The following CHRM3 variants were observed in gnomAD, a reference collection of about 807,000 sequenced individuals.
CHRM3 encodes the protein cholinergic receptor muscarinic 3.
CHRM3 carries 11 observed loss-of-function variants against 41.8 expected under a neutral mutation model. The observed-to-expected ratio is 0.26, with a 90% CI of 0.17 to 0.44. The LOEUF (loss-of-function observed/expected upper bound fraction) is 0.44, where lower values mean the gene tolerates loss of function less well. CHRM3 is among the 20% of genes least tolerant of loss of function. CHRM3 has a pLI of 1.00. For synonymous variants in CHRM3, 297 were observed against 301.4 expected (o/e 0.99, Z 0.15); for missense variants, 571 against 745.4 (o/e 0.77, Z 2.72).
At chr1:239,860,949 C>T (rs1675586423) in intron 6 of CHRM3, among the ~76,000 whole-genome samples, 2 of 152,208 alleles carry the variant, frequency 1.3e-5, no homozygotes, top group South Asian at 4.1e-4. Context: ...ACTTTGAGGA[C>T]TATTCTTATT....
At chr1:239,740,135 C>G (rs1448911430) in intron 5 of CHRM3, among the ~76,000 whole-genome samples, 1 of 152,010 alleles carries the variant, frequency 6.6e-6, no homozygotes, top group Non-Finnish European at 1.5e-5. Flanking sequence ...CACTTCCTGT[C>G]ATACAACCTT....
At chr1:239,661,583 C>T (rs1221973562) in intron 4 of CHRM3, among the ~76,000 whole-genome samples, 1 of 152,124 alleles carries the variant, frequency 6.6e-6, no homozygotes, top group Non-Finnish European at 1.5e-5. Flanking sequence ...CTGGACAATT[C>T]TGACAATATG....
At chr1:239,702,238 A>G (rs971195793) in intron 5 of CHRM3, among the ~76,000 whole-genome samples, 6 of 152,150 alleles carry the variant, frequency 3.9e-5, no homozygotes, top group African/African-American at 1.2e-4. Context: ...GTTGAGGATA[A>G]CATTTTGGGG....
At chr1:239,658,181 AC>A (rs766851723) in intron 4 of CHRM3, among the ~76,000 whole-genome samples, 44 of 152,096 alleles carry the variant, frequency 2.9e-4, no homozygotes, top group Non-Finnish European at 5.9e-4. Flanking sequence ...TGACTGATTG[AC>A]TCTTTGGGCT....
intron 3 of CHRM3, among the ~76,000 whole-genome samples, chr1:239,584,836 T>C (rs962466842): frequency 6.6e-6 from 1 of 152,146 alleles, no homozygotes; most frequent in African/African-American, 2.4e-5. Flanking sequence ...GTTGGTTATA[T>C]GGACATTGTG....
chr1:239,531,959 T>A (rs116006025), intron 2 of CHRM3, among the ~76,000 whole-genome samples: 6,396 of 146,138 alleles, frequency 0.044, 156 homozygotes, highest in Middle Eastern at 0.064. Flanking sequence ...GTGCCTGGCC[T>A]AGAATGGATA....
intron 4 of CHRM3, among the ~76,000 whole-genome samples, chr1:239,632,995 C>G (rs180788069): frequency 6.6e-6 from 1 of 152,186 alleles, no homozygotes; most frequent in African/African-American, 2.4e-5. Flanking sequence ...GTTTTTGAGA[C>G]GGAGTCTCGC....
At chr1:239,900,482 T>TC (rs1558223873) in intron 6 of CHRM3, among the ~76,000 whole-genome samples, 2 of 151,480 alleles carry the variant, frequency 1.3e-5, no homozygotes, top group African/African-American at 4.9e-5. Flanking sequence ...CAGAGAACAG[T>TC]CCTTTTAATG....
chr1:239,599,712 A>G (rs1196013566), intron 3 of CHRM3, among the ~76,000 whole-genome samples: 2 of 152,154 alleles, frequency 1.3e-5, no homozygotes, highest in African/African-American at 2.4e-5. Flanking sequence ...CCTACCTTAA[A>G]CACGCCCAGA....
Position 239,908,409 on chromosome 1 carries a change from T to G in CHRM3, c.958T>G (p.Trp320Gly). The G allele has an allele frequency of 6.2e-7, 1 of 1,614,022 alleles. No homozygotes were observed. The highest frequency in any genetic ancestry group is 8.5e-7 in the Non-Finnish European group (1 of 1,180,030). Residue 320 changes from tryptophan to glycine, a missense_variant, in exon 7 of 7, where the codon TGG becomes GGG. By Grantham distance (184) the Trp-to-Gly change is radical. Transcript: ENST00000676153. This position sits in a 1 kb window ranked among gnomAD's most constrained non-coding sequence, Gnocchi z 7.2. Reference sequence around the variant, plus strand: ...CCACTTCTGGTTCACAACCAAGAGCTGGAAACCCAGCTCCGAGCAGATGGA... The same window carrying G: ...CCACTTCTGGTTCACAACCAAGAGCGGGAAACCCAGCTCCGAGCAGATGGA... ...RCHFWFTTKSWKPSSEQMDQD... is the reference protein window; with the variant it reads ...RCHFWFTTKSGKPSSEQMDQD...
intron 1 of CHRM3, among the ~76,000 whole-genome samples, chr1:239,464,344 T>C (rs1024727999): frequency 6.7e-5 from 10 of 148,520 alleles, no homozygotes; most frequent in African/African-American, 2.2e-4. Flanking sequence ...TCTAAGAACA[T>C]ATGTATATCT....
intron 5 of CHRM3, among the ~76,000 whole-genome samples, chr1:239,722,260 T>C (rs1663043034): frequency 6.6e-6 from 1 of 151,876 alleles, no homozygotes; most frequent in Non-Finnish European, 1.5e-5. Flanking sequence ...TGCATCTTTG[T>C]TTCAGTCAGG....
chr1:239,843,738 G>C (rs574038947), intron 6 of CHRM3, among the ~76,000 whole-genome samples: 58 of 152,140 alleles, frequency 3.8e-4, no homozygotes, highest in African/African-American at 1.3e-3. Flanking sequence ...GGAAGAAGCA[G>C]GTAAAATTTT....
chr1:239,504,254 G>A (rs1008329877), intron 2 of CHRM3, among the ~76,000 whole-genome samples: 14 of 152,168 alleles, frequency 9.2e-5, no homozygotes, highest in Admixed American at 6.5e-4. Flanking sequence ...AAAGGGGGCT[G>A]AGGACATGCA....
intron 5 of CHRM3, among the ~76,000 whole-genome samples, chr1:239,826,694 C>T (rs761064038): frequency 6.6e-6 from 1 of 151,980 alleles, no homozygotes; most frequent in Admixed American, 6.6e-5. Context: ...GAAGCAAACA[C>T]GATCCTGAAT....
At chr1:239,749,013 T>C (rs1021007218) in intron 5 of CHRM3, among the ~76,000 whole-genome samples, 1 of 152,144 alleles carries the variant, frequency 6.6e-6, no homozygotes, top group African/African-American at 2.4e-5. Context: ...AGGGAAAACC[T>C]GGGGTCTGAG....
intron 6 of CHRM3, among the ~76,000 whole-genome samples, chr1:239,830,528 C>A (rs1354695365): frequency 6.6e-6 from 1 of 152,076 alleles, no homozygotes; most frequent in African/African-American, 2.4e-5. Context: ...ATGGTGAAAC[C>A]CCGTCTCTAT....
chr1:239,793,882 G>C (rs145895265), intron 5 of CHRM3, among the ~76,000 whole-genome samples: 1 of 139,920 alleles, frequency 7.1e-6, no homozygotes, highest in Admixed American at 7.6e-5. Flanking sequence ...GTGCGATCTC[G>C]GCTCACTGCA....
At chr1:239,878,601 AT>A (rs75230997) in intron 6 of CHRM3, among the ~76,000 whole-genome samples, 6,374 of 146,490 alleles carry the variant, frequency 0.044, 372 homozygotes, top group African/African-American at 0.12. Context: ...AGTATTTTAA[AT>A]TTTTTTTTTT....
Sources: allele counts gnomAD v4.1 joint callset (sites outside exome capture counted in the v4.1 genomes callset), GRCh38; gene constraint gnomAD v4.1.1; non-coding constraint Gnocchi (gnomAD v3.1); transcripts MANE v1.5; gene names NCBI Gene and HGNC (gene_info 2026-07-23, HGNC 2026-07-21).